Variants in ALDH1A3 observed in about 807,000 individuals in gnomAD.
ALDH1A3 encodes retinaldehyde dehydrogenase 3.
A neutral mutation model predicts 57.5 loss-of-function variants in ALDH1A3; 28 were observed. The observed-to-expected ratio is 0.49, with a 90% CI of 0.36 to 0.67. The LOEUF (loss-of-function observed/expected upper bound fraction) is 0.67, where lower values mean the gene tolerates loss of function less well. Among genes scored for constraint, ALDH1A3 ranks in the 30% least tolerant of loss-of-function variants. The probability of loss-of-function intolerance (pLI) is 0.00; values close to 1 mark genes in which losing one functional copy is unlikely to be tolerated. For synonymous variants in ALDH1A3, 281 were observed against 264.8 expected (o/e 1.06, Z -0.59); for missense variants, 507 against 669.4 (o/e 0.76, Z 2.68).
chr15:100,899,529 C>G (rs1053455989), intron 8 of ALDH1A3, among the ~76,000 whole-genome samples: 14 of 152,176 alleles, frequency 9.2e-5, no homozygotes, highest in African/African-American at 3.4e-4. Flanking sequence ...CAAATTACAT[C>G]CTGACATAAC....
In ALDH1A3 at chr15:100,893,157, C is replaced by T. The variant is rs560977126; in HGVS notation, c.537+151C>T. The T allele has an allele frequency of 6.3e-4, 411 of 655,874 alleles. 6 individuals carry two copies. In the South Asian group the frequency reaches 9.0e-3, roughly 14 times the overall value. 40.6% of individuals were successfully genotyped at this position (655,874 alleles called of 1,614,324 possible). On this transcript the variant is annotated intron_variant, in intron 5 of 12. Transcript: ENST00000329841. This position sits in a 1 kb window ranked among gnomAD's most constrained non-coding sequence, Gnocchi z 4.8. ...TGGCATGGAACTCCATGCTTGGGGGCTCTTGAGATGGATTAGACCCCATTT... is the reference window on the plus strand; with the variant it reads ...TGGCATGGAACTCCATGCTTGGGGGTTCTTGAGATGGATTAGACCCCATTT...
chr15:100,905,386 A>G lies in ALDH1A3; in HGVS notation c.1069-137A>G, dbSNP rs146115349. 6.8e-4 allele frequency: 744 copies of G among 1,095,500 alleles called. 3 individuals are homozygous for G. The African/African-American group carries it at 0.011, about 16-fold the overall frequency. 67.9% of individuals were successfully genotyped at this position (1,095,500 alleles called of 1,614,324 possible). Reference sequence around the variant, plus strand: ...AGAGGAATATTTGCCTGCAAGGCTCATTAGTTACATGGATCATGGCTTGAC... The same window carrying G: ...AGAGGAATATTTGCCTGCAAGGCTCGTTAGTTACATGGATCATGGCTTGAC... On this transcript the variant is annotated intron_variant, in intron 9 of 12. Transcript: ENST00000329841.
intron 11 of ALDH1A3, 29 bp from the exon 12 acceptor site, chr15:100,908,379 A>G (rs1218876361): frequency 6.3e-7 from 1 of 1,596,764 alleles, no homozygotes; most frequent in Admixed American, 1.7e-5. Flanking sequence ...TCTCCAGATG[A>G]CTCTGAGCTT....
intron 9 of ALDH1A3, among the ~76,000 whole-genome samples, chr15:100,902,073 C>G (rs970149524): frequency 1.3e-5 from 2 of 152,208 alleles, no homozygotes; most frequent in Non-Finnish European, 2.9e-5. Context: ...TTGAATCCGC[C>G]GTGAGTTTTA....
chr15:100,880,203 G>A, intron 1 of ALDH1A3, 197 bp downstream of exon 1: 1 of 405,072 alleles, frequency 2.5e-6, no homozygotes, highest in South Asian at 1.2e-4. Context: ...AGGCGGCGGG[G>A]CTCGGCGCTG....
At chr15:100,901,132 G>A (rs1315726664) in intron 9 of ALDH1A3, among the ~76,000 whole-genome samples, 1 of 152,186 alleles carries the variant, frequency 6.6e-6, no homozygotes, top group African/African-American at 2.4e-5. Flanking sequence ...TCAAGCCCAC[G>A]TGGGTTACAG....
intron 1 of ALDH1A3, chr15:100,881,541 G>A (rs1169721938): frequency 6.6e-6 from 1 of 152,126 alleles, no homozygotes; most frequent in African/African-American, 2.4e-5. Flanking sequence ...TCAGCAATCT[G>A]ACCACATACA....
intron 10 of ALDH1A3, 63 bp downstream of exon 10, chr15:100,905,750 G>C: frequency 5.6e-6 from 8 of 1,438,124 alleles, no homozygotes; most frequent in Non-Finnish European, 7.4e-6. Flanking sequence ...TCCTTCCCTA[G>C]GGCCCAGGGA....
In ALDH1A3 at chr15:100,914,864, C is replaced by A. The variant is rs1170074011; in HGVS notation, c.*91C>A. The stretch of plus-strand genomic sequence containing the variant: ...GAAAAAAATGACATTTCTGACCTTC[C>A]CGGGACACATTCTTCTGGAGGCTTT... On this transcript the variant is annotated 3_prime_UTR_variant, in exon 13 of 13. Transcript: ENST00000329841. The A allele has an allele frequency of 4.2e-6, 5 of 1,193,672 alleles. No homozygotes were observed. The allele number at this position is 1,193,672 out of a possible 1,614,324, so 73.9% of individuals were successfully genotyped here. A position where few individuals can be genotyped will look rare whatever the true frequency, so the allele number is the denominator to read the frequency against.
At chr15:100,896,464 T>C (rs1488993453) in intron 7 of ALDH1A3, among the ~76,000 whole-genome samples, 1 of 150,356 alleles carries the variant, frequency 6.7e-6, no homozygotes, top group Non-Finnish European at 1.5e-5. Context: ...GTTCAGAGAA[T>C]AGAAATACGA....
rs770661690 is a variant in ALDH1A3 at position 100,909,558 on chromosome 15, T to TGC, written c.1466+1076_1466+1077insGC. 6.3e-5 allele frequency among the ~76,000 whole-genome samples: 9 copies of TGC among 142,460 alleles called. 1 individual carries two copies. The highest frequency in any genetic ancestry group is 2.2e-4 in the East Asian group (1 of 4,548). The allele number at this position is 142,460 out of a possible 152,430, so 93.5% of individuals were successfully genotyped here. On this transcript the variant is annotated intron_variant, in intron 12 of 12. Transcript: ENST00000329841. The stretch of plus-strand genomic sequence containing the variant: ...GTGTGTGCAAACTCCTCCGTGTGTG[T>TGC]AAACCCACTGCAAACCCCTTCGTGT...
intron 12 of ALDH1A3, among the ~76,000 whole-genome samples, chr15:100,911,139 C>T (rs2041878882): frequency 6.6e-6 from 1 of 152,260 alleles, no homozygotes; most frequent in Non-Finnish European, 1.5e-5. Flanking sequence ...TCACAAGGAG[C>T]CTAGAAACTG....
At chr15:100,903,739 A>G (rs8030776) in intron 9 of ALDH1A3, among the ~76,000 whole-genome samples, 2,017 of 152,334 alleles carry the variant, frequency 0.013, 40 homozygotes, top group African/African-American at 0.045. Context: ...TTTAATATGC[A>G]TCTACCGCTT....
intron 8 of ALDH1A3, among the ~76,000 whole-genome samples, chr15:100,900,188 G>A (rs1007389112): frequency 2.6e-5 from 4 of 152,118 alleles, no homozygotes; most frequent in East Asian, 1.9e-4. Context: ...AGAAGTTCTC[G>A]CCAGGGGGCC....
rs2041628019 is a variant in ALDH1A3 at position 100,889,506 on chromosome 15, C to CA, written c.345+1794_345+1795insA. 1.3e-5 allele frequency among the ~76,000 whole-genome samples: 2 copies of CA among 152,168 alleles called. No homozygotes were observed. The highest frequency in any genetic ancestry group is 1.5e-5 in the Non-Finnish European group (1 of 68,030). ...GGTTTCTTCCTGCAACGTAAGCCAG[C>CA]GTCAACCCTCAAGCTGCCAAACTGG... is the stretch of plus-strand genomic sequence containing the variant. On this transcript the variant is annotated intron_variant, in intron 3 of 12. Coordinates refer to ENST00000329841, the MANE Select transcript of ALDH1A3 (RefSeq NM_000693.4). The surrounding 1 kb of genome is among the most constrained non-coding windows in gnomAD (Gnocchi z 5.1).
At chr15:100,900,187 C>T (rs893606823) in intron 8 of ALDH1A3, among the ~76,000 whole-genome samples, 6 of 152,196 alleles carry the variant, frequency 3.9e-5, no homozygotes, top group Admixed American at 2.0e-4. Context: ...TAGAAGTTCT[C>T]GCCAGGGGGC....
intron 12 of ALDH1A3, 85 bp downstream of exon 12, chr15:100,908,567 G>A: frequency 7.9e-7 from 1 of 1,262,266 alleles, no homozygotes; most frequent in East Asian, 2.3e-5. Flanking sequence ...GCTCCAATCT[G>A]CTGACACCCC....
At chr15:100,905,432 T>C in intron 9 of ALDH1A3, 91 bp from the exon 10 acceptor site, 1 of 1,487,888 alleles carries the variant, frequency 6.7e-7, no homozygotes, top group Non-Finnish European at 9.3e-7. Flanking sequence ...AGAGGGAGGA[T>C]GGCTGATCAT....
intron 1 of ALDH1A3, among the ~76,000 whole-genome samples, chr15:100,882,494 T>C (rs2041555792): frequency 6.6e-6 from 1 of 152,200 alleles, no homozygotes; most frequent in African/African-American, 2.4e-5. Flanking sequence ...CCCCCAAATC[T>C]CCTTTTCTGA....
Sources: gnomAD v4.1 joint callset for allele counts (sites outside exome capture counted in the v4.1 genomes callset) on GRCh38, gnomAD v4.1.1 for gene constraint, Gnocchi (gnomAD v3.1) non-coding constraint, MANE v1.5 for transcripts, NCBI Gene and HGNC (gene_info 2026-07-23, HGNC 2026-07-21) for gene names.